ADARB2: variants seen among roughly 807,000 people sequenced by gnomAD.
The protein encoded by ADARB2 is inactive double-stranded RNA-specific editase B2.
In ADARB2, 25 loss-of-function variants were observed where a neutral mutation model predicts 62.2. The observed-to-expected ratio is 0.40, with a 90% confidence interval of 0.29 to 0.56. The LOEUF (loss-of-function observed/expected upper bound fraction) is 0.56, where lower values mean the gene tolerates loss of function less well. Among genes scored for constraint, ADARB2 ranks in the 20% least tolerant of loss-of-function variants. The probability of loss-of-function intolerance (pLI) is 0.43; values close to 1 mark genes in which losing one functional copy is unlikely to be tolerated. For missense variants in ADARB2, 1,071 were observed against 1,077.4 expected (o/e 0.99, Z 0.08); for synonymous variants, 572 against 500.8 (o/e 1.14, Z -1.90).
intron 3 of ADARB2, among the ~76,000 whole-genome samples, chr10:1,339,226 C>T (rs1832001160): frequency 1.3e-5 from 2 of 152,204 alleles, no homozygotes; most frequent in South Asian, 4.1e-4. Context: ...AACCCTGCCC[C>T]ATGGAAAGGG....
At chr10:1,575,647 C>G (rs533672460) in intron 1 of ADARB2, among the ~76,000 whole-genome samples, 2 of 152,324 alleles carry the variant, frequency 1.3e-5, no homozygotes, top group South Asian at 4.1e-4. Flanking sequence ...GCCTCCTCCC[C>G]ACCTGCTCCT....
Position 1,363,409 on chromosome 10 carries a change from C to G in ADARB2, c.696G>C (p.Pro232=). The G allele has an allele frequency of 7.4e-7, 1 of 1,357,606 alleles. No individual in the cohort carries two copies. The highest frequency in any genetic ancestry group is 9.5e-7 in the Non-Finnish European group (1 of 1,053,238). The allele number at this position is 1,357,606 out of a possible 1,614,324, so 84.1% of individuals were successfully genotyped here. A position where few individuals can be genotyped will look rare whatever the true frequency, so the allele number is the denominator to read the frequency against. ...GGCGGCCTCCCGCGAGTCCGGGGCG[C>G]GGCGCCGGGGGCTCGAACTCCTGGA... ...TLFQEFEPPA[P]RPGLAGGRPG... The change falls in exon 3 of 10, where the codon CCG becomes CCC. Residue 232 remains proline (P), a synonymous_variant. Transcript: ENST00000381312.
chr10:1,627,520 A>G (rs936060843), intron 1 of ADARB2, among the ~76,000 whole-genome samples: 2 of 152,160 alleles, frequency 1.3e-5, no homozygotes, highest in Non-Finnish European at 2.9e-5. Context: ...CCATAATCAA[A>G]GTAGAAAACC....
chr10:1,587,207 C>T (rs991067295), intron 1 of ADARB2, among the ~76,000 whole-genome samples: 3 of 152,100 alleles, frequency 2.0e-5, no homozygotes, highest in African/African-American at 7.2e-5. Flanking sequence ...ATTTTGACCT[C>T]AAAAACAAAA....
intron 7 of ADARB2, among the ~76,000 whole-genome samples, chr10:1,205,770 G>C (rs1375237694): frequency 6.6e-6 from 1 of 152,278 alleles, no homozygotes; most frequent in Non-Finnish European, 1.5e-5. Context: ...TCGTGGGCCA[G>C]CGTGTTCTGC....
chr10:1,275,532 G>T (rs1831307509), intron 3 of ADARB2, among the ~76,000 whole-genome samples: 1 of 150,146 alleles, frequency 6.7e-6, no homozygotes, highest in Non-Finnish European at 1.5e-5. Context: ...TTTAATTTAA[G>T]TTTTAGGGTA....
At chr10:1,631,741 G>A (rs539126700) in intron 1 of ADARB2, among the ~76,000 whole-genome samples, 20 of 152,278 alleles carry the variant, frequency 1.3e-4, no homozygotes, top group African/African-American at 4.6e-4. Flanking sequence ...CCAGATCTAG[G>A]AAAATGTGGC....
chr10:1,346,089 A>T (rs1284078529), intron 3 of ADARB2, among the ~76,000 whole-genome samples: 1 of 152,224 alleles, frequency 6.6e-6, no homozygotes, highest in Non-Finnish European at 1.5e-5. Context: ...GTGTTTGTAT[A>T]GTAACTGTTG....
chr10:1,617,394 A>G lies in ADARB2; in HGVS notation c.100+119657T>C, dbSNP rs534846648. Reference sequence around the variant, plus strand: ...TCGCTAGATGTTTGTGTGCCCGTCCAGACACACTCCGCACCACCCTGCTGA... The same window carrying G: ...TCGCTAGATGTTTGTGTGCCCGTCCGGACACACTCCGCACCACCCTGCTGA... On this transcript the variant is annotated intron_variant, in intron 1 of 9. Transcript: ENST00000381312. Among the ~76,000 whole-genome samples the G allele has an allele frequency of 2.4e-5, 2 of 84,832 alleles. 1 individual carries two copies. The highest frequency in any genetic ancestry group is 1.0e-3 in the South Asian group (2 of 1,922). 55.7% of individuals were successfully genotyped at this position (84,832 alleles called of 152,430 possible). A position where few individuals can be genotyped will look rare whatever the true frequency, so the allele number is the denominator to read the frequency against.
intron 9 of ADARB2, among the ~76,000 whole-genome samples, chr10:1,184,043 TGAG>T (rs1398092917): frequency 6.6e-6 from 1 of 152,194 alleles, no homozygotes; most frequent in Admixed American, 6.5e-5. Context: ...GCAGTGCCCT[TGAG>T]CGGACAGGAC....
intron 1 of ADARB2, among the ~76,000 whole-genome samples, chr10:1,726,281 C>G (rs1010521081): frequency 1.3e-5 from 2 of 152,142 alleles, no homozygotes; most frequent in African/African-American, 4.8e-5. Flanking sequence ...TGTTTAGATT[C>G]TAGGTGATAG....
intron 3 of ADARB2, among the ~76,000 whole-genome samples, chr10:1,329,954 T>TC (rs1491553152): frequency 5.3e-5 from 6 of 113,916 alleles, no homozygotes; most frequent in Non-Finnish European, 1.1e-4. Context: ...TTTTTTTTTT[T>TC]CTCTTAAACA....
At chr10:1,296,540 G>A (rs748283577) in intron 3 of ADARB2, among the ~76,000 whole-genome samples, 1 of 152,210 alleles carries the variant, frequency 6.6e-6, no homozygotes, top group Non-Finnish European at 1.5e-5. Context: ...GTGCATGGGA[G>A]TCTTCCTGTG....
intron 7 of ADARB2, among the ~76,000 whole-genome samples, chr10:1,209,742 A>G (rs1837124063): frequency 6.6e-6 from 1 of 151,956 alleles, no homozygotes. Flanking sequence ...CCCACACCAC[A>G]CTGTCATCCA....
intron 1 of ADARB2, among the ~76,000 whole-genome samples, chr10:1,707,188 G>A (rs1315703320): frequency 1.3e-5 from 2 of 152,200 alleles, no homozygotes; most frequent in Non-Finnish European, 2.9e-5. Context: ...TTCCTGCACC[G>A]GCGCACAGCT....
At chr10:1,538,925 C>T (rs1258473922) in intron 1 of ADARB2, among the ~76,000 whole-genome samples, 3 of 152,226 alleles carry the variant, frequency 2.0e-5, no homozygotes, top group Non-Finnish European at 4.4e-5. Flanking sequence ...CCACCCTCAC[C>T]GAGGCCTCTC....
chr10:1,375,589 G>A (rs564050445), intron 2 of ADARB2, among the ~76,000 whole-genome samples: 1 of 152,354 alleles, frequency 6.6e-6, no homozygotes, highest in Non-Finnish European at 1.5e-5. Context: ...TACACGCCAG[G>A]TGGGATGAGA....
intron 1 of ADARB2, among the ~76,000 whole-genome samples, chr10:1,442,216 A>G (rs1419665010): frequency 2.6e-5 from 4 of 152,056 alleles, no homozygotes; most frequent in African/African-American, 4.8e-5. Context: ...TTTTCCAAGA[A>G]CCCCTTCTGG....
At chr10:1,473,863 A>G (rs1401687274) in intron 1 of ADARB2, among the ~76,000 whole-genome samples, 1 of 151,952 alleles carries the variant, frequency 6.6e-6, no homozygotes, top group African/African-American at 2.4e-5. Context: ...TAAGAAGAGA[A>G]CAAACCTTTG....
Sources: gnomAD v4.1 joint callset for allele counts (sites outside exome capture counted in the v4.1 genomes callset) on GRCh38, gnomAD v4.1.1 for gene constraint, MANE v1.5 for transcripts, NCBI Gene and HGNC (gene_info 2026-07-23, HGNC 2026-07-21) for gene names.